Variants in WWC2 observed in about 807,000 individuals in gnomAD.
WWC2 encodes the protein protein WWC2.
WWC2 carries 101 observed loss-of-function variants against 138.5 expected under a neutral mutation model. That is an observed-to-expected ratio of 0.73 (90% CI 0.62 to 0.86). The LOEUF is 0.86. Among genes scored for constraint, WWC2 ranks in the 40% least tolerant of loss-of-function variants. The probability of loss-of-function intolerance (pLI) is 0.00; values close to 1 mark genes in which losing one functional copy is unlikely to be tolerated. For missense variants in WWC2, 1,420 were observed against 1,419.4 expected (o/e 1.00, Z -0.01); for synonymous variants, 558 against 538.4 (o/e 1.04, Z -0.50).
At chr4:183,270,824 C>CA (rs905978120) in intron 15 of WWC2, among the ~76,000 whole-genome samples, 2 of 152,224 alleles carry the variant, frequency 1.3e-5, no homozygotes, top group African/African-American at 4.8e-5. Flanking sequence ...TAGGTCTTCG[C>CA]AAAATGGTAT....
chr4:183,280,497 G>A (rs928354333), intron 16 of WWC2, among the ~76,000 whole-genome samples: 4 of 151,944 alleles, frequency 2.6e-5, no homozygotes, highest in Non-Finnish European at 5.9e-5. Context: ...TGACAAATAC[G>A]CTAAGGGAAA....
intron 10 of WWC2, 149 bp from the exon 11 acceptor site, chr4:183,260,761 C>A: frequency 2.8e-6 from 3 of 1,071,808 alleles, no homozygotes; most frequent in Non-Finnish European, 3.9e-6. Flanking sequence ...GACACACGGC[C>A]GTAATATAGG....
chr4:183,314,340 C>T (rs1289394423), intron 22 of WWC2, among the ~76,000 whole-genome samples: 2 of 152,204 alleles, frequency 1.3e-5, no homozygotes, highest in African/African-American at 4.8e-5. Flanking sequence ...TCACACAACT[C>T]GCAGTTGTTG....
At chr4:183,143,772 T>C (rs1276854087) in intron 1 of WWC2, among the ~76,000 whole-genome samples, 1 of 151,806 alleles carries the variant, frequency 6.6e-6, no homozygotes, top group Non-Finnish European at 1.5e-5. Flanking sequence ...TGTGCTACTA[T>C]ACTCTAGCCT....
At chr4:183,193,516 A>T in intron 1 of WWC2, 83 bp from the exon 2 acceptor site, 2 of 1,168,920 alleles carry the variant, frequency 1.7e-6, no homozygotes, top group Non-Finnish European at 2.5e-6. Flanking sequence ...TGCAACCTAG[A>T]CACTTGTGGT....
At chr4:183,216,807 A>G (rs1403720033) in intron 4 of WWC2, among the ~76,000 whole-genome samples, 1 of 152,198 alleles carries the variant, frequency 6.6e-6, no homozygotes, top group Non-Finnish European at 1.5e-5. Flanking sequence ...AGAGAGCAAG[A>G]GCAGGCAAGT....
Position 183,124,750 on chromosome 4 carries a change from C to T in WWC2, c.131+25128C>T, listed in dbSNP as rs182316056. Among the ~76,000 whole-genome samples the T allele has an allele frequency of 5.4e-3, 821 of 152,054 alleles. 6 individuals carry two copies. Among genetic ancestry groups the T allele is most frequent in the African/African-American group, 0.019 (788 of 41,492 alleles). On this transcript the variant is annotated intron_variant, in intron 1 of 22. Transcript: ENST00000403733. The stretch of plus-strand genomic sequence containing the variant: ...GATTACAGGCACGCGCCACCATGCC[C>T]GGCTAATTTTTTGTATTCTTAGTAG...
intron 1 of WWC2, among the ~76,000 whole-genome samples, chr4:183,109,342 A>G (rs1368537768): frequency 1.3e-5 from 2 of 152,256 alleles, no homozygotes; most frequent in African/African-American, 4.8e-5. Flanking sequence ...TGTTTCTATA[A>G]ATATTAACCT....
chr4:183,239,863 C>G (rs1197834522), intron 4 of WWC2, among the ~76,000 whole-genome samples: 1 of 152,174 alleles, frequency 6.6e-6, no homozygotes, highest in African/African-American at 2.4e-5. Context: ...AAAACACACA[C>G]TTTTATAGAG....
intron 4 of WWC2, among the ~76,000 whole-genome samples, chr4:183,213,823 T>C (rs1735674983): frequency 6.6e-6 from 1 of 152,158 alleles, no homozygotes. Context: ...AACGTTTTAC[T>C]GCAAAATTTA....
chr4:183,250,164 C>A, intron 8 of WWC2, among the ~76,000 whole-genome samples, 171 bp downstream of exon 8: 1 of 149,384 alleles, frequency 6.7e-6, no homozygotes, highest in African/African-American at 2.5e-5. Context: ...TTTCTTCCCC[C>A]CGCCCTCCAC....
intron 1 of WWC2, among the ~76,000 whole-genome samples, chr4:183,188,928 G>C (rs1367243187): frequency 6.6e-6 from 1 of 152,012 alleles, no homozygotes; most frequent in East Asian, 1.9e-4. Context: ...TTACAGGCAT[G>C]AACCACCGTG....
At position 183,261,489 on chromosome 4, in the gene WWC2, C is replaced by T. The variant is rs764615897; in HGVS notation, c.1866C>T (p.Asp622=). The change falls in exon 11 of 23, where the codon GAC becomes GAT. Residue 622 remains aspartate, a synonymous_variant. Transcript: ENST00000403733. ...GASQSLSEDK[D]LNECAREPLY... ...CCCAGTCTCTTTCAGAGGATAAAGA[C>T]CTTAATGAATGTGCTAGGGAGCCAT... is the stretch of plus-strand genomic sequence containing the variant. 1 of 1,612,834 alleles carries T rather than the reference C, an allele frequency of 6.2e-7. No individual in the cohort carries two copies. Among genetic ancestry groups the T allele is most frequent in the South Asian group, 1.1e-5 (1 of 90,674 alleles).
intron 1 of WWC2, among the ~76,000 whole-genome samples, chr4:183,109,699 C>G (rs1732165694): frequency 6.6e-6 from 1 of 152,168 alleles, no homozygotes; most frequent in Non-Finnish European, 1.5e-5. Context: ...CGGCCCAGTT[C>G]CTAACAGGCC....
At chr4:183,171,843 G>A (rs1358188903) in intron 1 of WWC2, among the ~76,000 whole-genome samples, 2 of 152,050 alleles carry the variant, frequency 1.3e-5, no homozygotes, top group African/African-American at 4.8e-5. Flanking sequence ...CTGACTTCCC[G>A]CCCTGGTTGA....
intron 14 of WWC2, 117 bp downstream of exon 14, chr4:183,266,068 T>C: frequency 1.1e-6 from 1 of 915,636 alleles, no homozygotes; most frequent in South Asian, 1.7e-5. Flanking sequence ...ATAGCAGGGC[T>C]GATCATGTCT....
intron 1 of WWC2, among the ~76,000 whole-genome samples, chr4:183,147,751 G>T (rs1436564011): frequency 6.6e-6 from 1 of 152,160 alleles, no homozygotes; most frequent in East Asian, 1.9e-4. Context: ...TAAAACAAAG[G>T]ATTGTCTGCA....
intron 4 of WWC2, among the ~76,000 whole-genome samples, chr4:183,235,503 C>T (rs896797393): frequency 1.3e-5 from 2 of 152,144 alleles, no homozygotes; most frequent in African/African-American, 4.8e-5. Flanking sequence ...AACTCTCCTT[C>T]TGTACACCTC....
At chr4:183,186,363 G>C (rs1476858646) in intron 1 of WWC2, among the ~76,000 whole-genome samples, 1 of 152,166 alleles carries the variant, frequency 6.6e-6, no homozygotes, top group Non-Finnish European at 1.5e-5. Flanking sequence ...TGTCTTTCAA[G>C]AGTGTATTCG....
Sources: gnomAD v4.1 joint callset for allele counts (sites outside exome capture counted in the v4.1 genomes callset) on GRCh38, gnomAD v4.1.1 for gene constraint, MANE v1.5 for transcripts, NCBI Gene and HGNC (gene_info 2026-07-23, HGNC 2026-07-21) for gene names.